The following CCDC191 variants were observed in gnomAD, a reference collection of about 807,000 sequenced individuals.
The protein encoded by CCDC191 is coiled-coil domain containing 191.
CCDC191 carries 99 observed loss-of-function variants against 114.0 expected under a neutral mutation model. The ratio of observed to expected loss-of-function variants is 0.87; its 90% CI spans 0.74 to 1.03. CCDC191 has a LOEUF of 1.03. CCDC191 is among the 50% of genes least tolerant of loss of function. CCDC191 has a pLI of 0.00. For synonymous variants in CCDC191, 351 were observed against 376.0 expected, an observed-to-expected ratio of 0.93 and a Z score of 0.77; for missense variants, 973 against 1,087.0, an observed-to-expected ratio of 0.90 and a Z score of 1.47.
intron 4 of CCDC191, among the ~76,000 whole-genome samples, chr3:114,038,775 C>T (rs324551): frequency 0.49 from 74,753 of 151,892 alleles, 18,551 homozygotes; most frequent in Middle Eastern, 0.6. Flanking sequence ...AGCAAACTAA[C>T]GCAGGAACAG....
intron 16 of CCDC191, among the ~76,000 whole-genome samples, chr3:113,965,779 G>A (rs1389560554): frequency 1.3e-5 from 2 of 151,988 alleles, no homozygotes; most frequent in African/African-American, 2.4e-5. Flanking sequence ...ATTTTTATTG[G>A]AGACGGGGTT....
chr3:113,965,341 G>C lies in CCDC191; in HGVS notation c.2625C>G (p.Thr875=), dbSNP rs112136393. 3.1e-6 allele frequency: 5 copies of C among 1,589,044 alleles called. No homozygotes were observed. Among genetic ancestry groups the C allele is most frequent in the African/African-American group, 1.4e-5 (1 of 73,588 alleles). Residue 875 remains threonine (T), a synonymous_variant, in exon 17 of 17, where the codon ACC becomes ACG. Coordinates refer to ENST00000295878, the MANE Select transcript of CCDC191 (RefSeq NM_020817.2). ...EHSDRRILWI[T]LRTWKKFVKF... is the part of the protein sequence containing the mutation. ...TTACAAACTTCTTCCATGTCCGAAG[G>C]GTGATCCAGAGGATCCTCCTTTAAG...
At chr3:113,985,074 T>C (rs1020516334) in intron 13 of CCDC191, among the ~76,000 whole-genome samples, 2 of 151,986 alleles carry the variant, frequency 1.3e-5, no homozygotes, top group Admixed American at 1.3e-4. Flanking sequence ...AGACAGTGAG[T>C]GGGCCAGCAT....
intron 7 of CCDC191, among the ~76,000 whole-genome samples, chr3:114,020,440 T>TA (rs1443257842): frequency 1.3e-5 from 2 of 152,154 alleles, no homozygotes; most frequent in Non-Finnish European, 2.9e-5. Flanking sequence ...TGGCAAACTT[T>TA]AAAAAGCCCT....
At chr3:114,014,397 A>G (rs2076124006) in intron 8 of CCDC191, among the ~76,000 whole-genome samples, 1 of 152,186 alleles carries the variant, frequency 6.6e-6, no homozygotes. Context: ...GCTCACCTGC[A>G]TACCCACGTG....
intron 16 of CCDC191, among the ~76,000 whole-genome samples, chr3:113,974,116 ATTTGTTTGAC>A (rs1941087782): frequency 6.6e-6 from 1 of 151,666 alleles, no homozygotes; most frequent in African/African-American, 2.4e-5. Flanking sequence ...CAGTTCCAAG[ATTTGTTTGAC>A]TTTTTAAATC....
chr3:114,026,553 G>T (rs1193541982), intron 7 of CCDC191, among the ~76,000 whole-genome samples: 1 of 152,172 alleles, frequency 6.6e-6, no homozygotes, highest in African/African-American at 2.4e-5. Context: ...GAGGATGGTT[G>T]CTATGTGTCA....
At chr3:114,016,999 T>G (rs1473274380) in intron 8 of CCDC191, among the ~76,000 whole-genome samples, 2 of 152,186 alleles carry the variant, frequency 1.3e-5, no homozygotes, top group Non-Finnish European at 2.9e-5. Context: ...GAGAGTTTTC[T>G]GTGTTGGCCT....
rs1161486532 is a variant in CCDC191 at position 114,046,706 on chromosome 3, T to C, written c.156A>G (p.Ala52=). 6.2e-7 allele frequency: 1 copy of C among 1,612,594 alleles called. No homozygotes were observed. The highest frequency in any genetic ancestry group is 8.5e-7 in the Non-Finnish European group (1 of 1,178,974). Residue 52 remains alanine (A), a synonymous_variant, in exon 3 of 17, where the codon GCA becomes GCG. Coordinates refer to ENST00000295878, the MANE Select transcript of CCDC191 (RefSeq NM_020817.2). ...IKRVEKASEF[A]VSNAFFTRNS... is the part of the protein sequence containing the mutation. ...TTCTAGTAAAAAATGCATTTGACAC[T>C]GCAAACTCTGAGGCTTTCTCCACTC...
At chr3:113,989,029 C>T (rs564184648) in intron 13 of CCDC191, among the ~76,000 whole-genome samples, 3 of 152,264 alleles carry the variant, frequency 2.0e-5, no homozygotes, top group South Asian at 4.1e-4. Flanking sequence ...ATCTCCTGAC[C>T]TCATGATCTG....
At chr3:113,999,056 G>T (rs186293631) in intron 13 of CCDC191, among the ~76,000 whole-genome samples, 1 of 152,160 alleles carries the variant, frequency 6.6e-6, no homozygotes, top group South Asian at 2.1e-4. Context: ...TGCAGGGCTG[G>T]GGAAGGTTCT....
At chr3:113,971,148 T>G (rs1033491460) in intron 16 of CCDC191, among the ~76,000 whole-genome samples, 1 of 152,234 alleles carries the variant, frequency 6.6e-6, no homozygotes, top group Non-Finnish European at 1.5e-5. Flanking sequence ...CACACTGATT[T>G]CCACAATGAT....
intron 13 of CCDC191, among the ~76,000 whole-genome samples, chr3:113,992,974 A>G (rs1358973652): frequency 1.3e-5 from 2 of 152,242 alleles, no homozygotes; most frequent in Non-Finnish European, 2.9e-5. Flanking sequence ...AGTGGGAGTT[A>G]TCCCTGGGAT....
chr3:114,043,284 T>C (rs919841945), intron 3 of CCDC191, among the ~76,000 whole-genome samples: 1 of 152,060 alleles, frequency 6.6e-6, no homozygotes, highest in African/African-American at 2.4e-5. Context: ...GAGGCCAGTG[T>C]GGTCAGAGAG....
At chr3:114,015,101 C>G (rs1489547729) in intron 8 of CCDC191, among the ~76,000 whole-genome samples, 1 of 152,074 alleles carries the variant, frequency 6.6e-6, no homozygotes, top group Admixed American at 6.6e-5. Flanking sequence ...ACAGTACCCT[C>G]AAATCTCTGT....
chr3:114,043,462 A>G (rs943087933), intron 3 of CCDC191, among the ~76,000 whole-genome samples: 6 of 152,196 alleles, frequency 3.9e-5, no homozygotes, highest in Admixed American at 6.5e-5. Flanking sequence ...AAGCAATACT[A>G]CTGTCTAGTA....
intron 2 of CCDC191, 73 bp downstream of exon 2, chr3:114,053,524 T>C: frequency 1.2e-6 from 1 of 836,744 alleles, no homozygotes; most frequent in Admixed American, 2.4e-5. Flanking sequence ...TGGAGATCTA[T>C]TCATATTTCT....
chr3:114,024,413 C>T (rs561378049), intron 7 of CCDC191, among the ~76,000 whole-genome samples: 193 of 152,182 alleles, frequency 1.3e-3, no homozygotes, highest in African/African-American at 4.1e-3. Context: ...AGGTTTATTG[C>T]GGCACTATTC....
rs116689420 is a variant in CCDC191 at position 113,982,095 on chromosome 3, C to A, written c.2164-1302G>T. Among the ~76,000 whole-genome samples the A allele has an allele frequency of 6.7e-3, 1,020 of 152,280 alleles. 3 individuals carry two copies. Among genetic ancestry groups the A allele is most frequent in the Non-Finnish European group, 0.011 (776 of 68,016 alleles). ...AATAACCTTTGGAGAAGCCCTCAGG[C>A]TCAGACAAAAGAACTTGTTCCCATG... On this transcript the variant is annotated intron_variant, in intron 13 of 16. Transcript: ENST00000295878.
Sources: allele counts gnomAD v4.1 joint callset (sites outside exome capture counted in the v4.1 genomes callset), GRCh38; gene constraint gnomAD v4.1.1; transcripts MANE v1.5; gene names NCBI Gene and HGNC (gene_info 2026-07-23, HGNC 2026-07-21).